Variants in DMD observed in about 807,000 individuals in gnomAD.
DMD encodes the protein mutant dystrophin.
DMD carries 63 observed loss-of-function variants against 330.1 expected under a neutral mutation model. That is an observed-to-expected ratio of 0.19 (90% CI 0.16 to 0.24). DMD has a LOEUF of 0.24. DMD is among the 10% of genes least tolerant of loss of function. The pLI is 1.00. For synonymous variants in DMD, 1,223 were observed against 959.8 expected (o/e 1.27, Z -5.07); for missense variants, 3,344 against 2,684.1 (o/e 1.25, Z -5.43).
chrX:32,675,726 CTG>C (rs2061922600), intron 9 of DMD, among the ~76,000 whole-genome samples: 1 of 111,565 alleles, frequency 9.0e-6, no homozygotes. Context: ...ATGTGCATAA[CTG>C]TGCACAGATT....
At chrX:32,960,878 TGAA>T (rs1404394389) in intron 2 of DMD, among the ~76,000 whole-genome samples, 5 of 94,570 alleles carry the variant, frequency 5.3e-5, no homozygotes, top group Admixed American at 1.3e-4. Context: ...AATGAACATG[TGAA>T]GAAGGTAAAC....
At chrX:32,947,218 T>C (rs931442566) in intron 2 of DMD, among the ~76,000 whole-genome samples, 5 of 112,188 alleles carry the variant, frequency 4.5e-5, no homozygotes, top group Non-Finnish European at 9.4e-5. Context: ...AATTGCCTTT[T>C]AGAAAATCCA....
chrX:32,206,462 CA>C lies in DMD; in HGVS notation c.6438+10453del, dbSNP rs756533433. ...AGAAATCTATATGAGATACTCCAGCCAAAAATGCACAAAAGTCAAATCGGAA... is the reference window on the plus strand; with the variant it reads ...AGAAATCTATATGAGATACTCCAGCCAAAATGCACAAAAGTCAAATCGGAA... On this transcript the variant is annotated intron_variant, in intron 44 of 78. Transcript: ENST00000357033. 5,847 of 535,416 alleles carry C rather than the reference CA, an allele frequency of 0.011. 218 individuals are homozygous for C. In the African/African-American group the frequency reaches 0.12, roughly 11 times the overall value. The allele number at this position is 535,416 out of a possible 1,213,427, so 44.1% of individuals were successfully genotyped here. A position where few individuals can be genotyped will look rare whatever the true frequency, so the allele number is the denominator to read the frequency against.
At chrX:33,124,623 A>G (rs182911818) in intron 1 of DMD, among the ~76,000 whole-genome samples, 2 of 110,328 alleles carry the variant, frequency 1.8e-5, no homozygotes, top group East Asian at 5.7e-4. Flanking sequence ...CATTCCAAGC[A>G]GGTATTAACT....
chrX:31,758,058 C>T (rs908199393), intron 51 of DMD, among the ~76,000 whole-genome samples: 2 of 110,752 alleles, frequency 1.8e-5, no homozygotes, highest in African/African-American at 3.3e-5. Context: ...CCTAAATAGA[C>T]ATACTGCATG....
chrX:33,260,492 C>T (rs920573938), intron 1 of DMD, among the ~76,000 whole-genome samples: 8 of 110,121 alleles, frequency 7.3e-5, no homozygotes, highest in Admixed American at 2.0e-4. Flanking sequence ...TTAAAATTAG[C>T]GAAGACAAGA....
At chrX:32,288,743 C>T (rs989586977) in intron 42 of DMD, among the ~76,000 whole-genome samples, 2 of 111,825 alleles carry the variant, frequency 1.8e-5, no homozygotes, top group Non-Finnish European at 3.8e-5. Flanking sequence ...TAAAGCAAAT[C>T]AGTCCTATGA....
At chrX:32,400,009 T>C (rs1044958256) in intron 30 of DMD, among the ~76,000 whole-genome samples, 3 of 111,301 alleles carry the variant, frequency 2.7e-5, no homozygotes, top group African/African-American at 9.8e-5. Flanking sequence ...ATAGGAGTGG[T>C]GAGAGAGGGC....
At chrX:32,028,753 G>T (rs1466211868) in intron 44 of DMD, among the ~76,000 whole-genome samples, 1 of 111,436 alleles carries the variant, frequency 9.0e-6, no homozygotes, top group Non-Finnish European at 1.9e-5. Flanking sequence ...CTGAGGAAGT[G>T]TCTTATTAAT....
At chrX:31,198,715 T>C (rs1490312166) in intron 67 of DMD, among the ~76,000 whole-genome samples, 1 of 112,314 alleles carries the variant, frequency 8.9e-6, no homozygotes, top group Non-Finnish European at 1.9e-5. Context: ...TAATCTCTTC[T>C]TACGTTGATC....
chrX:33,151,881 T>C (rs2048297949), intron 1 of DMD, among the ~76,000 whole-genome samples: 1 of 112,170 alleles, frequency 8.9e-6, no homozygotes, highest in African/African-American at 3.2e-5. Flanking sequence ...GCTAAAAGTT[T>C]TCTCTCACTA....
intron 53 of DMD, among the ~76,000 whole-genome samples, chrX:31,669,489 G>A (rs1290011396): frequency 9.0e-6 from 1 of 111,449 alleles, no homozygotes; most frequent in African/African-American, 3.3e-5. Flanking sequence ...GCTAATTTTT[G>A]TGTATGGTGT....
At chrX:31,362,703 G>A (rs184648082) in intron 60 of DMD, among the ~76,000 whole-genome samples, 40 of 113,063 alleles carry the variant, frequency 3.5e-4, no homozygotes, top group African/African-American at 1.1e-3. Flanking sequence ...CCAGCACTTC[G>A]GGAGGCCGAG....
chrX:31,964,146 C>A (rs1197551296), intron 45 of DMD, among the ~76,000 whole-genome samples: 1 of 111,478 alleles, frequency 9.0e-6, no homozygotes, highest in Non-Finnish European at 1.9e-5. Flanking sequence ...TTAGACCTAA[C>A]TTCCAGTTTA....
chrX:32,870,416 G>GA (rs1315751164), intron 2 of DMD, among the ~76,000 whole-genome samples: 1 of 111,527 alleles, frequency 9.0e-6, no homozygotes, highest in Non-Finnish European at 1.9e-5. Flanking sequence ...CACAGAATTA[G>GA]AAAAAAAGAA....
chrX:32,539,818 T>A (rs764047722), intron 17 of DMD, among the ~76,000 whole-genome samples: 1 of 111,429 alleles, frequency 9.0e-6, no homozygotes, highest in South Asian at 3.7e-4. Context: ...ATAATTCAGG[T>A]ATGTAGATCA....
intron 7 of DMD, among the ~76,000 whole-genome samples, chrX:32,741,457 G>C (rs2069256639): frequency 1.8e-5 from 2 of 111,486 alleles, no homozygotes; most frequent in African/African-American, 6.5e-5. Context: ...AACTTTAGGA[G>C]CCAGACTTGG....
At chrX:32,553,658 T>A (rs774833973) in intron 16 of DMD, among the ~76,000 whole-genome samples, 1 of 112,348 alleles carries the variant, frequency 8.9e-6, no homozygotes, top group African/African-American at 3.2e-5. Flanking sequence ...AGCATATGAC[T>A]GTAGTTGCAA....
At position 32,243,838 on chromosome X, in the gene DMD, C is replaced by T. The variant is rs190997025; in HGVS notation, c.6291-26775G>A. 2.6e-3 allele frequency among the ~76,000 whole-genome samples: 286 copies of T among 111,307 alleles called. 1 individual carries two copies. Among genetic ancestry groups the T allele is most frequent in the African/African-American group, 8.6e-3 (264 of 30,703 alleles). ...AGAAGAGGTTCTTATCAGTACCTAT[C>T]CCATACATCATTAATTTTTCCTATT... is the stretch of plus-strand genomic sequence containing the variant. On this transcript the variant is annotated intron_variant, in intron 43 of 78. Coordinates refer to ENST00000357033, the MANE Select transcript of DMD (RefSeq NM_004006.3).
Sources: allele counts gnomAD v4.1 joint callset (sites outside exome capture counted in the v4.1 genomes callset), GRCh38; gene constraint gnomAD v4.1.1; transcripts MANE v1.5; gene names NCBI Gene and HGNC (gene_info 2026-07-23, HGNC 2026-07-21).